Variants in MYRIP observed in about 807,000 individuals in gnomAD.
MYRIP encodes myosin VIIA and Rab interacting protein, also known as rab effector MyRIP.
In MYRIP, 49 loss-of-function variants were observed where a neutral mutation model predicts 98.0. The observed-to-expected ratio is 0.50, with a 90% CI of 0.40 to 0.63. The LOEUF (loss-of-function observed/expected upper bound fraction) is 0.63, where lower values mean the gene tolerates loss of function less well. Ranked by LOEUF, MYRIP falls within the 30% of genes least tolerant of loss-of-function variation. The pLI, the probability that MYRIP is intolerant of heterozygous loss-of-function variation, is 0.00. For synonymous variants in MYRIP, 404 were observed against 409.5 expected, an observed-to-expected ratio of 0.99 and a Z score of 0.16; for missense variants, 1,004 against 1,058.2, an observed-to-expected ratio of 0.95 and a Z score of 0.71.
chr3:39,911,621 G>A (rs1944022999), intron 2 of MYRIP, among the ~76,000 whole-genome samples: 1 of 152,172 alleles, frequency 6.6e-6, no homozygotes, highest in African/African-American at 2.4e-5. Context: ...GAGCAAGGAG[G>A]AAAGTTTCCA....
chr3:40,235,048 T>C (rs1483964792), intron 12 of MYRIP, among the ~76,000 whole-genome samples: 1 of 151,512 alleles, frequency 6.6e-6, no homozygotes, highest in Non-Finnish European at 1.5e-5. Context: ...ATGTTTTTGA[T>C]GAATCACCCA....
intron 2 of MYRIP, among the ~76,000 whole-genome samples, chr3:39,960,338 A>G (rs919369478): frequency 1.3e-5 from 2 of 152,144 alleles, no homozygotes; most frequent in Non-Finnish European, 2.9e-5. Context: ...CTGGACATTT[A>G]TCCCTGAGAC....
chr3:40,151,382 C>T (rs911938222), intron 4 of MYRIP, among the ~76,000 whole-genome samples, 198 bp downstream of exon 4: 1 of 152,162 alleles, frequency 6.6e-6, no homozygotes. Flanking sequence ...TTCCAGCGTC[C>T]CCACTGGGCT....
intron 3 of MYRIP, among the ~76,000 whole-genome samples, chr3:40,055,392 T>A (rs575678044): frequency 6.6e-6 from 1 of 152,298 alleles, no homozygotes; most frequent in South Asian, 2.1e-4. Context: ...GAAAACAAAC[T>A]GCCATCATAG....
chr3:40,032,539 G>T (rs1440440361), intron 2 of MYRIP, among the ~76,000 whole-genome samples: 1 of 151,986 alleles, frequency 6.6e-6, no homozygotes, highest in African/African-American at 2.4e-5. Flanking sequence ...ATGTCTATTA[G>T]GTCCACTTGG....
chr3:40,172,772 T>C (rs1439659707), intron 8 of MYRIP, among the ~76,000 whole-genome samples: 1 of 152,134 alleles, frequency 6.6e-6, no homozygotes, highest in East Asian at 1.9e-4. Context: ...CCTCTCCCCT[T>C]CCTTCCCCCA....
intron 10 of MYRIP, among the ~76,000 whole-genome samples, chr3:40,197,744 T>C (rs546590191): frequency 8.5e-5 from 13 of 152,340 alleles, no homozygotes; most frequent in Non-Finnish European, 1.3e-4. Context: ...CACTGTGTCC[T>C]GGTTGTTAGT....
intron 2 of MYRIP, among the ~76,000 whole-genome samples, chr3:39,948,285 A>T (rs1944942317): frequency 6.6e-6 from 1 of 152,148 alleles, no homozygotes; most frequent in Non-Finnish European, 1.5e-5. Context: ...AAAATTTTTA[A>T]AGAGAAAGTT....
chr3:39,929,920 A>G (rs1029878090), intron 2 of MYRIP, among the ~76,000 whole-genome samples: 1 of 151,994 alleles, frequency 6.6e-6, no homozygotes, highest in Non-Finnish European at 1.5e-5. Context: ...ATCCACTTTT[A>G]TGGATGAATA....
intron 3 of MYRIP, chr3:40,100,177 G>A (rs746739415): frequency 4.2e-5 from 41 of 985,244 alleles, no homozygotes; most frequent in East Asian, 1.1e-4. Context: ...GTGTCCTGGC[G>A]TTTAATTATT....
At chr3:39,833,225 T>C (rs1224777100) in intron 1 of MYRIP, among the ~76,000 whole-genome samples, 1 of 152,204 alleles carries the variant, frequency 6.6e-6, no homozygotes, top group Non-Finnish European at 1.5e-5. Context: ...TGGTTGTATT[T>C]GTTTGATGGT....
intron 2 of MYRIP, among the ~76,000 whole-genome samples, chr3:39,927,159 T>C (rs1455537436): frequency 6.6e-6 from 1 of 152,090 alleles, no homozygotes; most frequent in African/African-American, 2.4e-5. Flanking sequence ...TGTTACTGAT[T>C]TTTGTGCGTT....
intron 10 of MYRIP, among the ~76,000 whole-genome samples, chr3:40,207,686 G>A (rs909174685): frequency 5.9e-5 from 9 of 152,138 alleles, no homozygotes; most frequent in African/African-American, 1.9e-4. Flanking sequence ...GCAAAATGTT[G>A]TGTGATGAAG....
intron 16 of MYRIP, among the ~76,000 whole-genome samples, chr3:40,257,844 G>A (rs1268409106): frequency 6.6e-6 from 1 of 152,178 alleles, no homozygotes; most frequent in Non-Finnish European, 1.5e-5. Context: ...AGTAAAGAAG[G>A]TATGGATTAT....
chr3:39,816,010 A>G (rs1468536117), intron 1 of MYRIP, among the ~76,000 whole-genome samples: 1 of 150,610 alleles, frequency 6.6e-6, no homozygotes, highest in African/African-American at 2.4e-5. Flanking sequence ...CAAAGTTTGT[A>G]TTATGAAAAC....
At chr3:39,877,670 C>T (rs987837176) in intron 1 of MYRIP, among the ~76,000 whole-genome samples, 5 of 152,150 alleles carry the variant, frequency 3.3e-5, no homozygotes, top group African/African-American at 7.2e-5. Context: ...TTTCATGTAC[C>T]GTGAATGCTG....
chr3:40,052,472 A>C (rs1319517752), intron 3 of MYRIP, among the ~76,000 whole-genome samples: 1 of 152,176 alleles, frequency 6.6e-6, no homozygotes, highest in Non-Finnish European at 1.5e-5. Context: ...ACAAGTTAAC[A>C]AATATATGGG....
intron 2 of MYRIP, among the ~76,000 whole-genome samples, chr3:39,995,947 A>G (rs1946340517): frequency 6.6e-6 from 1 of 152,212 alleles, no homozygotes; most frequent in Non-Finnish European, 1.5e-5. Context: ...TCATAAGTGA[A>G]GGAGAAATAA....
chr3:40,189,516 A>G (rs1401416846), intron 9 of MYRIP, among the ~76,000 whole-genome samples: 1 of 152,196 alleles, frequency 6.6e-6, no homozygotes, highest in Non-Finnish European at 1.5e-5. Context: ...CCTTCCAGGC[A>G]AGCCTAGGGC....
Sources: allele counts gnomAD v4.1 joint callset (sites outside exome capture counted in the v4.1 genomes callset), GRCh38; gene constraint gnomAD v4.1.1; transcripts MANE v1.5; gene names NCBI Gene and HGNC (gene_info 2026-07-23, HGNC 2026-07-21).